Variants in ZNF777 observed in about 807,000 individuals in gnomAD.
ZNF777 encodes zinc finger protein 777.
A neutral mutation model predicts 72.1 loss-of-function variants in ZNF777; 7 were observed. That is an observed-to-expected ratio of 0.10 (90% CI 0.06 to 0.18). ZNF777 has a LOEUF of 0.18. ZNF777 is among the 10% of genes least tolerant of loss of function. The pLI is 1.00. For missense variants in ZNF777, 828 were observed against 1,128.6 expected, an observed-to-expected ratio of 0.73 and a Z score of 3.82; for synonymous variants, 545 against 483.5, an observed-to-expected ratio of 1.13 and a Z score of -1.67.
Position 149,431,673 on chromosome 7 carries a change from GCTGGGGGGCGCCCCGC to G in ZNF777, c.*87_*102del, listed in dbSNP as rs1448683149. On this transcript the variant is annotated 3_prime_UTR_variant, in exon 6 of 6. Coordinates refer to ENST00000247930, the MANE Select transcript of ZNF777 (RefSeq NM_015694.3). ...GAGAGGGGGAGCTCACGGCAAAGGG[GCTGGGGGGCGCCCCGC>G]CCCCGCCCGCTGGGCTCGGGCCTGG... 4.6e-6 allele frequency: 5 copies of G among 1,098,694 alleles called. No homozygotes were observed. The East Asian group carries it at 4.9e-4, about 108-fold the overall frequency. The allele number at this position is 1,098,694 out of a possible 1,614,324, so 68.1% of individuals were successfully genotyped here.
At position 149,454,154 on chromosome 7, in the gene ZNF777, G is replaced by A. The variant is rs1462451687; in HGVS notation, c.930C>T (p.Tyr310=). 1.2e-6 allele frequency: 2 copies of A among 1,614,194 alleles called. No homozygotes were observed. The highest frequency in any genetic ancestry group is 1.3e-5 in the African/African-American group (1 of 75,044). ...GNLSEWQKEL[Y]KNVMRGNYES... Reference sequence around the variant, plus strand: ...CGTAGTTGCCCCTCATCACGTTCTTGTAGAGCTCCTTCTGCCACTCAGACA... The same window carrying A: ...CGTAGTTGCCCCTCATCACGTTCTTATAGAGCTCCTTCTGCCACTCAGACA... The change falls in exon 3 of 6, where the codon TAC becomes TAT. Residue 310 remains tyrosine (Y), a synonymous_variant. Coordinates refer to ENST00000247930, the MANE Select transcript of ZNF777 (RefSeq NM_015694.3).
intron 4 of ZNF777, among the ~76,000 whole-genome samples, chr7:149,438,523 C>A (rs1299624112): frequency 6.6e-6 from 1 of 152,118 alleles, no homozygotes. Flanking sequence ...ACACTGAGCA[C>A]CAACTACATG....
Position 149,432,654 on chromosome 7 carries a change from G to T in ZNF777, c.1618C>A (p.Arg540=), listed in dbSNP as rs767620982. The change falls in exon 6 of 6, where the codon CGG becomes AGG. Residue 540 remains arginine, a synonymous_variant. Coordinates refer to ENST00000247930, the MANE Select transcript of ZNF777 (RefSeq NM_015694.3). Reference sequence around the variant, plus strand: ...CATGTGAAGGGCCGCTCGCCGCGCCGGTTCCGCTGCTGCTGGCTCGAGGCC... The same window carrying T: ...CATGTGAAGGGCCGCTCGCCGCGCCTGTTCCGCTGCTGCTGGCTCGAGGCC... ...RGASSQQQRN[R]RGERPFTCME... 1 of 1,613,492 alleles carries T rather than the reference G, an allele frequency of 6.2e-7. No individual in the cohort carries two copies. The highest frequency in any genetic ancestry group is 1.7e-5 in the Admixed American group (1 of 59,960).
At chr7:149,442,312 C>CACAG in intron 4 of ZNF777, among the ~76,000 whole-genome samples, 1 of 150,970 alleles carries the variant, frequency 6.6e-6, no homozygotes, top group Admixed American at 6.6e-5. Flanking sequence ...CAGACACACA[C>CACAG]ACAAAATATA....
At chr7:149,442,309 A>G (rs1423443316) in intron 4 of ZNF777, among the ~76,000 whole-genome samples, 3 of 151,796 alleles carry the variant, frequency 2.0e-5, no homozygotes, top group Non-Finnish European at 4.4e-5. Flanking sequence ...ACACAGACAC[A>G]CACACAAAAT....
intron 5 of ZNF777, among the ~76,000 whole-genome samples, chr7:149,434,226 T>G (rs1188474875): frequency 6.6e-6 from 1 of 152,198 alleles, no homozygotes; most frequent in Non-Finnish European, 1.5e-5. Flanking sequence ...TAACATGGAC[T>G]GAAGCTAGCA....
At position 149,432,654 on chromosome 7, in the gene ZNF777, G is replaced by A; in HGVS notation, c.1618C>T (p.Arg540Trp). Residue 540 changes from arginine (R) to tryptophan (W), a missense_variant, in exon 6 of 6, where the codon CGG becomes TGG. Around this residue, in one of 12 missense-constraint regions of ZNF777, gnomAD observed 219 missense variants for 223.0 expected, o/e 0.98. Transcript: ENST00000247930. ...CATGTGAAGGGCCGCTCGCCGCGCC[G>A]GTTCCGCTGCTGCTGGCTCGAGGCC... ...RGASSQQQRN[R>W]RGERPFTCME... 3.1e-6 allele frequency: 5 copies of A among 1,613,492 alleles called. No homozygotes were observed. Among genetic ancestry groups the A allele is most frequent in the Non-Finnish European group, 4.2e-6 (5 of 1,179,716 alleles).
At chr7:149,457,524 G>T (rs1228254879) in intron 1 of ZNF777, among the ~76,000 whole-genome samples, 1 of 152,212 alleles carries the variant, frequency 6.6e-6, no homozygotes, top group Non-Finnish European at 1.5e-5. Context: ...AAACAATGAC[G>T]TTCCTTTAGT....
intron 3 of ZNF777, among the ~76,000 whole-genome samples, chr7:149,453,303 A>C (rs1799759877): frequency 6.6e-6 from 1 of 152,210 alleles, no homozygotes; most frequent in African/African-American, 2.4e-5. Context: ...AGAATTTTAA[A>C]AGGAAGGGAA....
intron 4 of ZNF777, among the ~76,000 whole-genome samples, chr7:149,440,105 C>T (rs1799481695): frequency 6.6e-6 from 1 of 152,206 alleles, no homozygotes; most frequent in Non-Finnish European, 1.5e-5. Context: ...ACGAAGATCA[C>T]ATGGTCAACA....
chr7:149,452,121 T>C (rs984122776), intron 3 of ZNF777, among the ~76,000 whole-genome samples: 7 of 150,210 alleles, frequency 4.7e-5, no homozygotes, highest in South Asian at 2.1e-4. Context: ...AAAAATTAGC[T>C]GGGCACGGTG....
intron 1 of ZNF777, among the ~76,000 whole-genome samples, chr7:149,457,196 G>C (rs531545215): frequency 6.6e-6 from 1 of 152,286 alleles, no homozygotes; most frequent in South Asian, 2.1e-4. Context: ...CTCACATCGA[G>C]AGAATTCCTG....
chr7:149,441,108 T>C (rs1023189255), intron 4 of ZNF777, among the ~76,000 whole-genome samples: 1 of 152,218 alleles, frequency 6.6e-6, no homozygotes, highest in African/African-American at 2.4e-5. Flanking sequence ...AACGCCAGCG[T>C]TTCCCACCAA....
intron 4 of ZNF777, among the ~76,000 whole-genome samples, chr7:149,445,467 C>T (rs1204217055): frequency 2.0e-5 from 3 of 152,160 alleles, no homozygotes; most frequent in Non-Finnish European, 4.4e-5. Context: ...AACTATGGGA[C>T]TCTGTTTGGC....
At chr7:149,433,257 C>T (rs1585686525) in intron 5 of ZNF777, among the ~76,000 whole-genome samples, 1 of 152,338 alleles carries the variant, frequency 6.6e-6, no homozygotes, top group East Asian at 1.9e-4. Flanking sequence ...ACTGCTGGTA[C>T]AGCCGGACCC....
intron 3 of ZNF777, among the ~76,000 whole-genome samples, chr7:149,451,774 G>C (rs1446746692): frequency 6.6e-6 from 1 of 152,106 alleles, no homozygotes; most frequent in Non-Finnish European, 1.5e-5. Flanking sequence ...CATAAAATAA[G>C]TCTGCAGTTC....
chr7:149,450,348 T>C (rs960245616), intron 4 of ZNF777, among the ~76,000 whole-genome samples: 2 of 152,214 alleles, frequency 1.3e-5, no homozygotes, highest in East Asian at 1.9e-4. Flanking sequence ...TATGTGCCAA[T>C]CACTGTGCCA....
intron 4 of ZNF777, among the ~76,000 whole-genome samples, chr7:149,445,544 A>T (rs1799587354): frequency 6.6e-6 from 1 of 152,218 alleles, no homozygotes; most frequent in Admixed American, 6.5e-5. Flanking sequence ...AAGTCTCCAG[A>T]TAAGCCTCTT....
At chr7:149,458,167 T>G (rs1799869203) in intron 1 of ZNF777, among the ~76,000 whole-genome samples, 1 of 152,178 alleles carries the variant, frequency 6.6e-6, no homozygotes, top group Non-Finnish European at 1.5e-5. Context: ...AATGAAAGTT[T>G]TGGGTTCTTG....
Sources: allele counts gnomAD v4.1 joint callset (sites outside exome capture counted in the v4.1 genomes callset), GRCh38; gene constraint gnomAD v4.1.1; regional missense constraint gnomAD v4.1.1; transcripts MANE v1.5; gene names NCBI Gene and HGNC (gene_info 2026-07-23, HGNC 2026-07-21).